The following CADM2 variants were observed in gnomAD, a reference collection of about 807,000 sequenced individuals.
CADM2 encodes the protein cell adhesion molecule 2.
A neutral mutation model predicts 49.8 loss-of-function variants in CADM2; 12 were observed. That is an observed-to-expected ratio of 0.24 (90% CI 0.15 to 0.39). The LOEUF (loss-of-function observed/expected upper bound fraction) is 0.39. Among genes scored for constraint, CADM2 ranks in the 10% least tolerant of loss-of-function variants. The pLI is 1.00. For synonymous variants in CADM2, 214 were observed against 175.4 expected, an observed-to-expected ratio of 1.22 and a Z score of -1.74; for missense variants, 378 against 492.3, an observed-to-expected ratio of 0.77 and a Z score of 2.20.
chr3:85,205,704 T>C (rs900992149), intron 1 of CADM2, among the ~76,000 whole-genome samples: 1 of 152,124 alleles, frequency 6.6e-6, no homozygotes, highest in Non-Finnish European at 1.5e-5. Flanking sequence ...AAAACTTTTC[T>C]AGTTTCCTAT....
intron 3 of CADM2, among the ~76,000 whole-genome samples, chr3:85,830,505 T>C (rs2074136055): frequency 6.6e-6 from 1 of 152,004 alleles, no homozygotes; most frequent in Admixed American, 6.6e-5. Context: ...TTTCCTTTAC[T>C]GTGCAAAAGC....
At chr3:85,720,018 A>G (rs1342372176) in intron 1 of CADM2, among the ~76,000 whole-genome samples, 1 of 152,134 alleles carries the variant, frequency 6.6e-6, no homozygotes, top group Non-Finnish European at 1.5e-5. Context: ...ATTTCCTAAC[A>G]CTATGAAGTA....
chr3:85,561,000 T>C (rs928803802), intron 1 of CADM2, among the ~76,000 whole-genome samples: 3 of 152,206 alleles, frequency 2.0e-5, no homozygotes, highest in Non-Finnish European at 4.4e-5. Flanking sequence ...TTCAAATTTA[T>C]ATTAATGGTT....
At chr3:85,509,520 A>G (rs2040515033) in intron 1 of CADM2, among the ~76,000 whole-genome samples, 1 of 152,170 alleles carries the variant, frequency 6.6e-6, no homozygotes, top group East Asian at 1.9e-4. Context: ...GACATGTTTA[A>G]CAGATTCAAG....
At chr3:85,418,563 C>CT (rs1197458793) in intron 1 of CADM2, among the ~76,000 whole-genome samples, 1 of 152,068 alleles carries the variant, frequency 6.6e-6, no homozygotes, top group African/African-American at 2.4e-5. Flanking sequence ...AATGCAATAA[C>CT]TTTTTATGTT....
At chr3:85,266,215 T>A (rs896230566) in intron 1 of CADM2, among the ~76,000 whole-genome samples, 1 of 151,906 alleles carries the variant, frequency 6.6e-6, no homozygotes, top group African/African-American at 2.4e-5. Context: ...CTATTTCCCA[T>A]TGGATTTTTG....
intron 1 of CADM2, among the ~76,000 whole-genome samples, chr3:84,972,733 G>A (rs911742321): frequency 3.3e-5 from 5 of 152,104 alleles, no homozygotes; most frequent in East Asian, 1.9e-4. Context: ...TTATTCATTC[G>A]TTGATTCATT....
rs1006986970 is a variant in CADM2 at position 85,081,739 on chromosome 3, C to T, written c.61+122071C>T. On this transcript the variant is annotated intron_variant, in intron 1 of 9. Coordinates refer to ENST00000383699, the MANE Select transcript of CADM2 (RefSeq NM_001167675.2). ...CACTCCAGGGCATCGAGGAAGAGGC[C>T]GGCATTTCTCCTCTCTGCCTGTAAA... Among the ~76,000 whole-genome samples the T allele has an allele frequency of 3.9e-5, 6 of 152,064 alleles. No homozygotes were observed. In the South Asian group the frequency reaches 6.2e-4, roughly 16 times the overall value.
At chr3:85,701,906 T>C (rs192312010) in intron 1 of CADM2, among the ~76,000 whole-genome samples, 9 of 125,814 alleles carry the variant, frequency 7.2e-5, no homozygotes, top group Non-Finnish European at 3.5e-5. Context: ...GATAGATAGA[T>C]AGATATAAAG....
At chr3:85,423,845 T>G (rs375414711) in intron 1 of CADM2, among the ~76,000 whole-genome samples, 156 of 152,304 alleles carry the variant, frequency 1.0e-3, no homozygotes, top group African/African-American at 3.7e-3. Context: ...TCTACTTAAG[T>G]AGACTTGACA....
rs1172306731 is a variant in CADM2 at position 85,318,686 on chromosome 3, TAC to T, written c.61+359021_61+359022del. Among the ~76,000 whole-genome samples the T allele has an allele frequency of 2.6e-5, 4 of 152,260 alleles. No homozygotes were observed. The South Asian group carries it at 6.2e-4, about 24-fold the overall frequency. ...AAGTTAAAAATTGAAATAAAGAAAA[TAC>T]ACTTGCTTTATTAGAATTTTAAAAC... On this transcript the variant is annotated intron_variant, in intron 1 of 9. Coordinates refer to ENST00000383699, the MANE Select transcript of CADM2 (RefSeq NM_001167675.2).
intron 1 of CADM2, among the ~76,000 whole-genome samples, chr3:85,663,841 A>C (rs1021405193): frequency 1.3e-5 from 2 of 151,972 alleles, no homozygotes; most frequent in East Asian, 1.9e-4. Context: ...GGTTTATGCT[A>C]TCTGTACTTG....
At chr3:85,205,317 C>A in intron 1 of CADM2, among the ~76,000 whole-genome samples, 1 of 152,124 alleles carries the variant, frequency 6.6e-6, no homozygotes, top group East Asian at 1.9e-4. Context: ...GCCAACCTAC[C>A]AGGCTTGAAA....
intron 8 of CADM2, among the ~76,000 whole-genome samples, chr3:86,033,720 T>TAA (rs1734822738): frequency 6.9e-6 from 1 of 145,898 alleles, no homozygotes; most frequent in Non-Finnish European, 1.5e-5. Flanking sequence ...TATATATATA[T>TAA]AAACTTGAAG....
At chr3:85,750,186 C>A (rs1177635925) in intron 2 of CADM2, among the ~76,000 whole-genome samples, 2 of 151,882 alleles carry the variant, frequency 1.3e-5, no homozygotes, top group South Asian at 4.1e-4. Flanking sequence ...TGCATTTTTA[C>A]TTTCAGAAGA....
intron 1 of CADM2, among the ~76,000 whole-genome samples, chr3:85,698,992 C>A (rs1163545856): frequency 6.6e-6 from 1 of 152,178 alleles, no homozygotes; most frequent in Admixed American, 6.5e-5. Context: ...TCCCAAGCTA[C>A]AATGGGGTAC....
At chr3:85,265,840 C>A (rs933814437) in intron 1 of CADM2, among the ~76,000 whole-genome samples, 1 of 151,954 alleles carries the variant, frequency 6.6e-6, no homozygotes, top group Non-Finnish European at 1.5e-5. Flanking sequence ...TCATAGCTTT[C>A]AGTTTTGCTA....
At chr3:85,145,774 C>T (rs1387915168) in intron 1 of CADM2, among the ~76,000 whole-genome samples, 6 of 152,110 alleles carry the variant, frequency 3.9e-5, no homozygotes, top group African/African-American at 1.4e-4. Flanking sequence ...TATTTGTATA[C>T]ATTTAAAAAT....
intron 1 of CADM2, among the ~76,000 whole-genome samples, chr3:85,349,364 G>T (rs1192650574): frequency 6.6e-6 from 1 of 152,162 alleles, no homozygotes; most frequent in Non-Finnish European, 1.5e-5. Flanking sequence ...AGTAAAACTG[G>T]AATTGGGAGG....
Sources: allele counts gnomAD v4.1 joint callset (sites outside exome capture counted in the v4.1 genomes callset), GRCh38; gene constraint gnomAD v4.1.1; transcripts MANE v1.5; gene names NCBI Gene and HGNC (gene_info 2026-07-23, HGNC 2026-07-21).